The following BRI3BP variants were observed in gnomAD, a reference collection of about 807,000 sequenced individuals.
BRI3BP encodes BRI3 binding protein.
A neutral mutation model predicts 15.8 loss-of-function variants in BRI3BP; 7 were observed. The ratio of observed to expected loss-of-function variants is 0.44; its 90% CI spans 0.25 to 0.83. The LOEUF is 0.83. Ranked by LOEUF, BRI3BP falls within the 40% of genes least tolerant of loss-of-function variation. The probability of loss-of-function intolerance (pLI) is 0.20; values close to 1 mark genes in which losing one functional copy is unlikely to be tolerated. For missense variants in BRI3BP, 320 were observed against 339.3 expected, an observed-to-expected ratio of 0.94 and a Z score of 0.45; for synonymous variants, 192 against 163.5, an observed-to-expected ratio of 1.17 and a Z score of -1.33.
At chr12:125,020,435 C>T (rs911355438) in intron 2 of BRI3BP, among the ~76,000 whole-genome samples, 1 of 152,192 alleles carries the variant, frequency 6.6e-6, no homozygotes, top group Admixed American at 6.5e-5. Context: ...TCCACCCCTA[C>T]GACCTGATCA....
At chr12:125,048,766 G>A in the BRI3BP span, among the ~76,000 whole-genome samples, 2 of 151,818 alleles carry the variant, frequency 1.3e-5, no homozygotes, top group Non-Finnish European at 2.9e-5. Flanking sequence ...TTGGAATAGG[G>A]AGAGGGAGGA....
At chr12:125,042,937 T>C in the BRI3BP span, among the ~76,000 whole-genome samples, 1 of 152,296 alleles carries the variant, frequency 6.6e-6, no homozygotes, top group African/African-American at 2.4e-5. Flanking sequence ...TGTGAGCCAC[T>C]GTGCCCTGCC....
chr12:125,000,071 CTT>C (rs35258984), intron 1 of BRI3BP, among the ~76,000 whole-genome samples: 3 of 39,362 alleles, frequency 7.6e-5, no homozygotes, highest in Non-Finnish European at 1.3e-4. Context: ...TTTGTTTTTG[CTT>C]TTTTTTTTTT....
At chr12:125,008,299 C>CTTTTTTTTTTTTTTTT (rs55697100) in intron 1 of BRI3BP, among the ~76,000 whole-genome samples, 12 of 99,944 alleles carry the variant, frequency 1.2e-4, no homozygotes, top group East Asian at 3.1e-4. Flanking sequence ...CCTCTTCTTT[C>CTTTTTTTTTTTTTTTT]TTTTTTTTTT....
At position 124,993,815 on chromosome 12, in the gene BRI3BP, C is replaced by A; in HGVS notation, c.25C>A (p.Pro9Thr). 1.8e-6 allele frequency: 2 copies of A among 1,110,854 alleles called. No homozygotes were observed. Among genetic ancestry groups the A allele is most frequent in the Non-Finnish European group, 2.2e-6 (2 of 914,916 alleles). 68.8% of individuals were successfully genotyped at this position (1,110,854 alleles called of 1,614,324 possible). MGARASGG[P>T]LARAGLLLLL... is the part of the protein sequence containing the mutation. ...CATGGGCGCGCGCGCCTCAGGCGGG[C>A]CCCTGGCCCGGGCCGGGCTCCTGCT... Residue 9 changes from proline (P) to threonine (T), a missense_variant, in exon 1 of 3, where the codon CCC becomes ACC. By Grantham distance (38) the Pro-to-Thr change is conservative. Transcript: ENST00000341446.
intron 1 of BRI3BP, among the ~76,000 whole-genome samples, chr12:125,010,047 AG>A (rs1246000083): frequency 1.3e-5 from 2 of 152,056 alleles, no homozygotes; most frequent in African/African-American, 4.8e-5. Flanking sequence ...GGTTGCCTTG[AG>A]TCGAGATTGC....
chr12:125,019,931 T>TGTGTG (rs1209193432), intron 2 of BRI3BP, among the ~76,000 whole-genome samples: 2 of 151,052 alleles, frequency 1.3e-5, no homozygotes, highest in South Asian at 2.1e-4. Flanking sequence ...TTCCATAGAC[T>TGTGTG]GTGTGGCTTA....
chr12:125,042,522 C>G, the BRI3BP span, among the ~76,000 whole-genome samples: 3 of 149,820 alleles, frequency 2.0e-5, no homozygotes, highest in Non-Finnish European at 4.4e-5. Context: ...GTTGCCCAGG[C>G]TTAAGTGCAA....
chr12:124,999,515 C>A (rs1305142508), intron 1 of BRI3BP, among the ~76,000 whole-genome samples: 1 of 152,128 alleles, frequency 6.6e-6, no homozygotes, highest in African/African-American at 2.4e-5. Flanking sequence ...TCTCTACCTC[C>A]CGGGCTCAAA....
At position 125,016,967 on chromosome 12, in the gene BRI3BP, C is replaced by T. The variant is rs541457997; in HGVS notation, c.316+4331C>T. On this transcript the variant is annotated intron_variant, in intron 2 of 2. Coordinates refer to ENST00000341446, the MANE Select transcript of BRI3BP (RefSeq NM_080626.6). Reference sequence around the variant, plus strand: ...CCTCCCACCTCAGCTTCCCAACTAGCTGGGACCACAAGTGTGCACCACCAC... The same window carrying T: ...CCTCCCACCTCAGCTTCCCAACTAGTTGGGACCACAAGTGTGCACCACCAC... Among the ~76,000 whole-genome samples the T allele has an allele frequency of 2.5e-4, 37 of 150,862 alleles. 1 individual carries two copies. The South Asian group carries it at 7.0e-3, about 28-fold the overall frequency.
chr12:125,000,065 T>C (rs1337830078), intron 1 of BRI3BP, among the ~76,000 whole-genome samples: 2 of 123,676 alleles, frequency 1.6e-5, no homozygotes, highest in Non-Finnish European at 3.4e-5. Context: ...GGTTCTTTTG[T>C]TTTTGCTTTT....
downstream of BRI3BP, among the ~76,000 whole-genome samples, chr12:125,034,338 A>T (rs764895982): frequency 6.6e-6 from 1 of 152,076 alleles, no homozygotes; most frequent in Non-Finnish European, 1.5e-5. Context: ...GAGCCACTGC[A>T]CCCAGCCCCT....
intron 1 of BRI3BP, among the ~76,000 whole-genome samples, chr12:125,001,078 G>A (rs868624603): frequency 1.9e-4 from 29 of 150,206 alleles, no homozygotes; most frequent in Middle Eastern, 6.8e-3. Context: ...TTTTTGAGAC[G>A]GAGTCTTGCT....
intron 2 of BRI3BP, among the ~76,000 whole-genome samples, chr12:125,019,162 A>G (rs563600229): frequency 1.3e-5 from 2 of 152,004 alleles, no homozygotes; most frequent in African/African-American, 2.4e-5. Flanking sequence ...CCGGCCTTCT[A>G]CTCCTTTTTA....
chr12:125,002,723 T>G (rs1450849838), intron 1 of BRI3BP, among the ~76,000 whole-genome samples: 3 of 152,212 alleles, frequency 2.0e-5, no homozygotes, highest in Admixed American at 6.5e-5. Flanking sequence ...CCCAAAGTGC[T>G]GGGATTACAG....
At chr12:125,032,351 G>A (rs994814274), downstream of BRI3BP, among the ~76,000 whole-genome samples, 2 of 152,186 alleles carry the variant, frequency 1.3e-5, no homozygotes, top group African/African-American at 2.4e-5. Context: ...TCAGCTACTC[G>A]GGAGGCTAAG....
At chr12:125,038,307 G>A in the BRI3BP span, among the ~76,000 whole-genome samples, 4 of 151,954 alleles carry the variant, frequency 2.6e-5, no homozygotes, top group South Asian at 6.2e-4. Flanking sequence ...AACAAGGGAA[G>A]GGGATGTGGG....
chr12:125,030,200 T>G lies in BRI3BP; in HGVS notation c.*4770T>G, dbSNP rs1258273860. 2 of 152,208 alleles carry G rather than the reference T, an allele frequency of 1.3e-5. No homozygotes were observed. Among genetic ancestry groups the G allele is most frequent in the Admixed American group, 6.5e-5 (1 of 15,278 alleles). The allele number at this position is 152,208 out of a possible 1,614,324, so 9.4% of individuals were successfully genotyped here. On this transcript the variant is annotated 3_prime_UTR_variant, in exon 3 of 3. Coordinates refer to ENST00000341446, the MANE Select transcript of BRI3BP (RefSeq NM_080626.6). Reference sequence around the variant, plus strand: ...CACCTGATAACTTCTCCCTGATGGGTTTCCGAACTGGCTGACTTAACCAAA... The same window carrying G: ...CACCTGATAACTTCTCCCTGATGGGGTTCCGAACTGGCTGACTTAACCAAA...
chr12:124,993,810 G>A lies in BRI3BP; in HGVS notation c.20G>A (p.Gly7Asp). 9.2e-7 allele frequency: 1 copy of A among 1,090,802 alleles called. No homozygotes were observed. The highest frequency in any genetic ancestry group is 1.1e-6 in the Non-Finnish European group (1 of 902,548). The allele number at this position is 1,090,802 out of a possible 1,614,324, so 67.6% of individuals were successfully genotyped here. A position where few individuals can be genotyped will look rare whatever the true frequency, so the allele number is the denominator to read the frequency against. MGARAS[G>D]GPLARAGLLL... is the part of the protein sequence containing the mutation. ...CCGAGCATGGGCGCGCGCGCCTCAG[G>A]CGGGCCCCTGGCCCGGGCCGGGCTC... The change falls in exon 1 of 3, where the codon GGC becomes GAC. Residue 7 changes from glycine (G) to aspartate (D), a missense_variant. Physicochemically the swap from Gly to Asp is moderately conservative, Grantham distance 94. Transcript: ENST00000341446.
Sources: gnomAD v4.1 joint callset for allele counts (sites outside exome capture counted in the v4.1 genomes callset) on GRCh38, gnomAD v4.1.1 for gene constraint, MANE v1.5 for transcripts, NCBI Gene and HGNC (gene_info 2026-07-23, HGNC 2026-07-21) for gene names.